Variants in AZIN1 observed in about 807,000 individuals in gnomAD.
AZIN1 encodes antizyme inhibitor 1.
In AZIN1, 12 loss-of-function variants were observed where a neutral mutation model predicts 47.4. That is an observed-to-expected ratio of 0.25 (90% CI 0.16 to 0.41). The LOEUF is 0.41. Among genes scored for constraint, AZIN1 ranks in the 10% least tolerant of loss-of-function variants. The pLI is 1.00. For missense variants in AZIN1, 410 were observed against 532.4 expected (o/e 0.77, Z 2.26); for synonymous variants, 155 against 176.3 (o/e 0.88, Z 0.96).
intron 2 of AZIN1, among the ~76,000 whole-genome samples, chr8:102,852,702 G>A (rs187394636): frequency 2.0e-5 from 3 of 152,264 alleles, no homozygotes; most frequent in East Asian, 1.9e-4. Context: ...CCTAATCCCC[G>A]TAACCCAGTA....
intron 2 of AZIN1, among the ~76,000 whole-genome samples, chr8:102,853,996 C>T (rs545898507): frequency 2.6e-5 from 4 of 152,200 alleles, no homozygotes; most frequent in East Asian, 1.9e-4. Flanking sequence ...GTCTACAGTG[C>T]GGTGGCACCA....
rs2679745 is a variant in AZIN1, at chr8:102,864,097, G to C, written c.-524C>G. ...GCAGCAGAGCGAGAAAGGATGAGAA[G>C]AGGCAGAGAAGGCGACGGCAGAAGA... On this transcript the variant is annotated 5_prime_UTR_variant, in exon 1 of 12. Coordinates refer to ENST00000337198, the MANE Select transcript of AZIN1 (RefSeq NM_148174.4). 11 of 173,622 alleles carry C rather than the reference G, an allele frequency of 6.3e-5. No homozygotes were observed. Among genetic ancestry groups the C allele is most frequent in the Admixed American group, 3.9e-4 (6 of 15,390 alleles). The allele number at this position is 173,622 out of a possible 1,614,324, so 10.8% of individuals were successfully genotyped here. A position where few individuals can be genotyped will look rare whatever the true frequency, so the allele number is the denominator to read the frequency against.
At chr8:102,831,863 G>A (rs529817657) in intron 9 of AZIN1, among the ~76,000 whole-genome samples, 1 of 152,210 alleles carries the variant, frequency 6.6e-6, no homozygotes, top group South Asian at 2.1e-4. Context: ...GTTGAAGGTA[G>A]GAGGACTGCT....
intron 2 of AZIN1, 65 bp downstream of exon 2, chr8:102,857,948 C>G (rs1813397997): frequency 2.5e-6 from 1 of 398,328 alleles, no homozygotes; most frequent in African/African-American, 2.1e-5. Context: ...AAATACTAAG[C>G]AAGGCAGCAC....
chr8:102,835,087 T>C (rs1394009390), intron 6 of AZIN1: 3 of 181,148 alleles, frequency 1.7e-5, no homozygotes, highest in Admixed American at 5.8e-5. Flanking sequence ...CACTACCAAA[T>C]CGTATCACAT....
At chr8:102,834,904 C>A in intron 6 of AZIN1, 157 bp from the exon 7 acceptor site, 2 of 559,106 alleles carry the variant, frequency 3.6e-6, no homozygotes, top group South Asian at 2.5e-5. Flanking sequence ...TTCTAATTAC[C>A]CAAAAGTTAC....
rs565958242 is a variant in AZIN1 at position 102,830,630 on chromosome 8, CA to C, written c.905-695del. On this transcript the variant is annotated intron_variant, in intron 9 of 11. Transcript: ENST00000337198. ...ACTCATTCCAGCCTGGATAACAGAGCAAAAACCCTGTCTCAAAAACAAAAAA... is the reference window on the plus strand; with the variant it reads ...ACTCATTCCAGCCTGGATAACAGAGCAAAACCCTGTCTCAAAAACAAAAAA... Among the ~76,000 whole-genome samples, 1,002 of 139,994 alleles carry C rather than the reference CA, an allele frequency of 7.2e-3. 10 individuals are homozygous for C. Among genetic ancestry groups the C allele is most frequent in the African/African-American group, 0.026 (967 of 37,634 alleles). The allele number at this position is 139,994 out of a possible 152,430, so 91.8% of individuals were successfully genotyped here.
At chr8:102,862,553 T>C (rs1357431170) in intron 1 of AZIN1, among the ~76,000 whole-genome samples, 1 of 152,222 alleles carries the variant, frequency 6.6e-6, no homozygotes, top group Non-Finnish European at 1.5e-5. Flanking sequence ...AAGAAATTAA[T>C]GAATTATGAG....
rs1408385024 is a variant in AZIN1 at position 102,827,686 on chromosome 8, T to G, written c.*881A>C. 6.6e-6 allele frequency: 1 copy of G among 152,634 alleles called. No homozygotes were observed. Among genetic ancestry groups the G allele is most frequent in the Non-Finnish European group, 1.5e-5 (1 of 68,028 alleles). The allele number at this position is 152,634 out of a possible 1,614,324, so 9.5% of individuals were successfully genotyped here. A position where few individuals can be genotyped will look rare whatever the true frequency, so the allele number is the denominator to read the frequency against. On this transcript the variant is annotated 3_prime_UTR_variant, in exon 12 of 12. Coordinates refer to ENST00000337198, the MANE Select transcript of AZIN1 (RefSeq NM_148174.4). ...GTGATTCAAAGATTTACTAAGGTAC[T>G]CTATGCATTCTATCTATACAGAAAC...
chr8:102,843,433 T>G (rs1812351569), intron 3 of AZIN1, 118 bp downstream of exon 3: 1 of 819,646 alleles, frequency 1.2e-6, no homozygotes, highest in Non-Finnish European at 1.9e-6. Context: ...AAGGTCAAGT[T>G]AAATCAGATA....
At chr8:102,837,892 G>T (rs1381327618) in intron 5 of AZIN1, among the ~76,000 whole-genome samples, 1 of 152,184 alleles carries the variant, frequency 6.6e-6, no homozygotes, top group African/African-American at 2.4e-5. Context: ...CGATATACCA[G>T]TTTGTGAAAA....
chr8:102,860,308 G>A (rs1813551107), intron 1 of AZIN1, among the ~76,000 whole-genome samples: 1 of 152,130 alleles, frequency 6.6e-6, no homozygotes, highest in African/African-American at 2.4e-5. Context: ...TGTCACCCAG[G>A]CTGGAGTGCA....
At position 102,828,378 on chromosome 8, in the gene AZIN1, A is replaced by ATG; in HGVS notation, c.*188_*189insCA. The ATG allele has an allele frequency of 2.2e-6, 1 of 455,022 alleles. No individual in the cohort carries two copies. The highest frequency in any genetic ancestry group is 4.0e-6 in the Non-Finnish European group (1 of 252,980). The allele number at this position is 455,022 out of a possible 1,614,324, so 28.2% of individuals were successfully genotyped here. The stretch of plus-strand genomic sequence containing the variant: ...GTTTAAATCTGGATACATTATCTAA[A>ATG]TCTCCCATTATCCCCAATGAATTAT... On this transcript the variant is annotated 3_prime_UTR_variant, in exon 12 of 12. Transcript: ENST00000337198.
intron 2 of AZIN1, chr8:102,854,484 C>A (rs145362899): frequency 0.032 from 4,819 of 151,368 alleles, 114 homozygotes; most frequent in Non-Finnish European, 0.046. Flanking sequence ...GTAATCCCAA[C>A]TACTTGGGAG....
intron 2 of AZIN1, among the ~76,000 whole-genome samples, chr8:102,853,204 C>T (rs954647314): frequency 6.6e-6 from 1 of 152,208 alleles, no homozygotes; most frequent in East Asian, 1.9e-4. Flanking sequence ...CCATTTATCC[C>T]GTTTAAAAAC....
chr8:102,834,824 CTCA>C (rs1258478486), intron 6 of AZIN1, 77 bp from the exon 7 acceptor site: 3 of 931,814 alleles, frequency 3.2e-6, no homozygotes, highest in Non-Finnish European at 1.7e-6. Context: ...TCAACTGTCA[CTCA>C]TCATATTCAT....
Position 102,828,664 on chromosome 8 carries a change from T to G in AZIN1, c.1250A>C (p.Asp417Ala), listed in dbSNP as rs1811243294. The G allele has an allele frequency of 6.2e-7, 1 of 1,605,668 alleles. No homozygotes were observed. Among genetic ancestry groups the G allele is most frequent in the East Asian group, 2.2e-5 (1 of 44,708 alleles). Residue 417 changes from aspartate to alanine, a missense_variant, in exon 12 of 12, where the codon GAT (aspartate) becomes GCT (alanine). By Grantham distance (126) the Asp-to-Ala change is moderately radical. Around this residue, in one of 3 missense-constraint regions of AZIN1, gnomAD observed 168 missense variants for 198.3 expected, o/e 0.85. Coordinates refer to ENST00000337198, the MANE Select transcript of AZIN1 (RefSeq NM_148174.4). Reference sequence around the variant, plus strand: ...CATTGAGTCTGAAGTAATTCCAGCATCTTGCATCTCATACCTACGTAGAAA... The same window carrying G: ...CATTGAGTCTGAAGTAATTCCAGCAGCTTGCATCTCATACCTACGTAGAAA... ...MSFSDWYEMQ[D>A]AGITSDSMMK...
intron 5 of AZIN1, among the ~76,000 whole-genome samples, chr8:102,837,666 G>C (rs1022694270): frequency 5.3e-5 from 8 of 152,156 alleles, no homozygotes; most frequent in Admixed American, 3.3e-4. Flanking sequence ...TGGTTCCCTA[G>C]AATTTTCCCA....
At chr8:102,854,353 C>T (rs1042254132) in intron 2 of AZIN1, 1 of 151,340 alleles carries the variant, frequency 6.6e-6, no homozygotes, top group Non-Finnish European at 1.5e-5. Context: ...ATAATCCCAG[C>T]ATTTTGGGAG....
Sources: allele counts gnomAD v4.1 joint callset (sites outside exome capture counted in the v4.1 genomes callset), GRCh38; gene constraint gnomAD v4.1.1; regional missense constraint gnomAD v4.1.1; transcripts MANE v1.5; gene names NCBI Gene and HGNC (gene_info 2026-07-23, HGNC 2026-07-21).